Variants in COL22A1 observed in about 807,000 individuals in gnomAD.
The protein encoded by COL22A1 is collagen type XXII alpha 1 chain.
In COL22A1, 221 loss-of-function variants were observed where a neutral mutation model predicts 248.9. The observed-to-expected ratio is 0.89, with a 90% confidence interval of 0.80 to 0.99. The LOEUF (loss-of-function observed/expected upper bound fraction) is 0.99, where lower values mean the gene tolerates loss of function less well. Ranked by LOEUF, COL22A1 falls within the 50% of genes least tolerant of loss-of-function variation. The pLI is 0.00. For missense variants in COL22A1, 2,240 were observed against 2,179.0 expected (o/e 1.03, Z -0.56); for synonymous variants, 891 against 793.4 (o/e 1.12, Z -2.07).
chr8:138,729,893 G>T (rs1243749530), intron 23 of COL22A1, among the ~76,000 whole-genome samples: 1 of 152,174 alleles, frequency 6.6e-6, no homozygotes, highest in Non-Finnish European at 1.5e-5. Context: ...CTGAAGCTGG[G>T]ACTTCAGCTC....
intron 39 of COL22A1, among the ~76,000 whole-genome samples, chr8:138,680,910 G>C (rs990378712): frequency 7.9e-5 from 12 of 152,232 alleles, no homozygotes; most frequent in African/African-American, 2.9e-4. Flanking sequence ...CAAAGGAGCA[G>C]TATGACTTGC....
chr8:138,871,828 C>T (rs1017991242), intron 3 of COL22A1, among the ~76,000 whole-genome samples: 9 of 151,956 alleles, frequency 5.9e-5, no homozygotes, highest in African/African-American at 1.9e-4. Context: ...TTTTGCACTA[C>T]GGAAAGAAAA....
In COL22A1 at chr8:138,636,531, G is replaced by GC. The variant is rs1475380581; in HGVS notation, c.3555+210_3555+211insG. 9.2e-5 allele frequency among the ~76,000 whole-genome samples: 14 copies of GC among 151,700 alleles called. No individual in the cohort carries two copies. In the South Asian group the frequency reaches 1.3e-3, roughly 14 times the overall value. ...GAAAGGAAAGGAAAGGAAAGGAAAGGAAAGGCAGGGAGGCTTCTCCAATAA... is the reference window on the plus strand; with the variant it reads ...GAAAGGAAAGGAAAGGAAAGGAAAGGCAAAGGCAGGGAGGCTTCTCCAATAA... On this transcript the variant is annotated intron_variant, in intron 48 of 64. Transcript: ENST00000303045.
At position 138,763,714 on chromosome 8, in the gene COL22A1, G is replaced by A. The variant is rs117970482; in HGVS notation, c.1804-1248C>T. On this transcript the variant is annotated intron_variant, in intron 16 of 64. Transcript: ENST00000303045. ...TCCTCAGACACAGCCACTTTGTTCCGGCTTCTGCCTTCCCTGCCTCCTATT... is the reference window on the plus strand; with the variant it reads ...TCCTCAGACACAGCCACTTTGTTCCAGCTTCTGCCTTCCCTGCCTCCTATT... Among the ~76,000 whole-genome samples, 592 of 152,258 alleles carry A rather than the reference G, an allele frequency of 3.9e-3. 2 individuals carry two copies. Among genetic ancestry groups the A allele is most frequent in the Non-Finnish European group, 5.8e-3 (394 of 68,014 alleles).
Position 138,700,098 on chromosome 8 carries a change from C to T in COL22A1, c.2592+14G>A. 6.2e-7 allele frequency: 1 copy of T among 1,612,840 alleles called. No individual in the cohort carries two copies. The highest frequency in any genetic ancestry group is 8.5e-7 in the Non-Finnish European group (1 of 1,179,626). ...GAGGCACACTGGGCACCCCGAGGCA[C>T]CGCTACTACTTACGGGCATCCGTGG... On this transcript the variant is annotated intron_variant, in intron 32 of 64. Transcript: ENST00000303045.
At chr8:138,792,861 C>T (rs980090419) in intron 12 of COL22A1, among the ~76,000 whole-genome samples, 3 of 152,154 alleles carry the variant, frequency 2.0e-5, no homozygotes, top group South Asian at 2.1e-4. Flanking sequence ...TGCAGCTTCC[C>T]GTCATTTTAG....
At chr8:138,622,123 T>C (rs1212904585) in intron 52 of COL22A1, among the ~76,000 whole-genome samples, 1 of 152,212 alleles carries the variant, frequency 6.6e-6, no homozygotes, top group Non-Finnish European at 1.5e-5. Context: ...TAGAAACTTT[T>C]ATGGAACTCC....
In COL22A1 at chr8:138,715,682, C is replaced by G; in HGVS notation, c.2517G>C (p.Lys839Asn). 1 of 1,609,928 alleles carries G rather than the reference C, an allele frequency of 6.2e-7. No individual in the cohort carries two copies. Among genetic ancestry groups the G allele is most frequent in the Non-Finnish European group, 8.5e-7 (1 of 1,177,750 alleles). The change falls in exon 30 of 65, where the codon AAG becomes AAC. Residue 839 changes from lysine to asparagine, a missense_variant and splice_region_variant. By Grantham distance (94) the Lys-to-Asn change is moderately conservative (BLOSUM62 0). Transcript: ENST00000303045. ...CAGAATGAGAGCAAGTTTCTCCTAC[C>G]TTTTCACCTCGGTCACCTTTCAGTC... ...LPGLKGDRGE[K>N]GEAGPAGPPG...
At chr8:138,610,802 A>C (rs1406482651) in intron 56 of COL22A1, among the ~76,000 whole-genome samples, 1 of 152,132 alleles carries the variant, frequency 6.6e-6, no homozygotes, top group Non-Finnish European at 1.5e-5. Flanking sequence ...GGTGGCTTAC[A>C]CCTATAATTT....
intron 1 of COL22A1, among the ~76,000 whole-genome samples, chr8:138,912,236 T>C (rs1815500431): frequency 6.6e-6 from 1 of 152,148 alleles, no homozygotes; most frequent in Non-Finnish European, 1.5e-5. Context: ...AAAGCTCACA[T>C]CCTTCAACTG....
intron 11 of COL22A1, 59 bp from the exon 12 acceptor site, chr8:138,796,916 CA>C: frequency 1.9e-6 from 2 of 1,041,872 alleles, no homozygotes; most frequent in Admixed American, 3.4e-5. Flanking sequence ...CATGACATTG[CA>C]AATGGCAACA....
Position 138,690,864 on chromosome 8 carries a change from C to A in COL22A1, c.2765G>T (p.Gly922Val). 6.2e-7 allele frequency: 1 copy of A among 1,610,298 alleles called. No homozygotes were observed. The highest frequency in any genetic ancestry group is 8.5e-7 in the Non-Finnish European group (1 of 1,178,390). Residue 922 changes from glycine to valine, a missense_variant, in exon 36 of 65, where the codon GGA becomes GTA. Gly to Val is a moderately radical substitution (Grantham distance 109, BLOSUM62 -3). Coordinates refer to ENST00000303045, the MANE Select transcript of COL22A1 (RefSeq NM_152888.3). ...PGAAGNPGAP[G>V]HVGAPGPSGP... The stretch of plus-strand genomic sequence containing the variant: ...ACTGGGACCGGGGGCACCGACATGT[C>A]CGGGAGCACCCTGTTCAGAGACAGA...
chr8:138,805,982 T>TTGTGTGTGAGGG, intron 10 of COL22A1, among the ~76,000 whole-genome samples: 1 of 96,592 alleles, frequency 1.0e-5, no homozygotes, highest in East Asian at 3.8e-4. Context: ...GTGTGTGTGA[T>TTGTGTGTGAGGG]TGTGTGTGAT....
At chr8:138,864,178 G>GC (rs1822696883) in intron 3 of COL22A1, among the ~76,000 whole-genome samples, 1 of 151,950 alleles carries the variant, frequency 6.6e-6, no homozygotes, top group Non-Finnish European at 1.5e-5. Context: ...GGACCTCCCT[G>GC]CCCAAACGGT....
chr8:138,818,951 GGGCGATGGTGTTACA>G (rs1224795775), intron 7 of COL22A1, among the ~76,000 whole-genome samples: 2 of 152,136 alleles, frequency 1.3e-5, no homozygotes, highest in Non-Finnish European at 2.9e-5. Context: ...TGTGTGACGT[GGGCGATGGTGTTACA>G]GCTGGCTGGC....
intron 38 of COL22A1, among the ~76,000 whole-genome samples, chr8:138,684,839 A>G (rs948330895): frequency 6.6e-6 from 1 of 152,188 alleles, no homozygotes; most frequent in Non-Finnish European, 1.5e-5. Flanking sequence ...CACAATGAAA[A>G]CCATGATTCT....
At chr8:138,621,899 T>C (rs943728955) in intron 52 of COL22A1, among the ~76,000 whole-genome samples, 3 of 152,236 alleles carry the variant, frequency 2.0e-5, no homozygotes, top group Non-Finnish European at 4.4e-5. Flanking sequence ...TGGGCAGCTC[T>C]GCTGGGTGTC....
intron 1 of COL22A1, among the ~76,000 whole-genome samples, chr8:138,894,093 G>T (rs944668437): frequency 6.6e-6 from 1 of 152,208 alleles, no homozygotes; most frequent in African/African-American, 2.4e-5. Flanking sequence ...TGAAAATTCA[G>T]GCTGGAGCAG....
intron 50 of COL22A1, among the ~76,000 whole-genome samples, chr8:138,627,486 G>C (rs10094167): frequency 6.6e-6 from 1 of 152,078 alleles, no homozygotes; most frequent in South Asian, 2.1e-4. Flanking sequence ...CAGGTGAGGA[G>C]AGCATGGTCC....
Sources: allele counts gnomAD v4.1 joint callset (sites outside exome capture counted in the v4.1 genomes callset), GRCh38; gene constraint gnomAD v4.1.1; transcripts MANE v1.5; gene names NCBI Gene and HGNC (gene_info 2026-07-23, HGNC 2026-07-21).